The following GRK5 variants were observed in gnomAD, a reference collection of about 807,000 sequenced individuals.
GRK5 encodes the protein g protein-coupled receptor kinase GRK5.
Under a neutral mutation model 78.4 loss-of-function variants are expected in GRK5, and 40 were observed. The ratio of observed to expected loss-of-function variants is 0.51; its 90% CI spans 0.40 to 0.66. GRK5 has a LOEUF of 0.66. Among genes scored for constraint, GRK5 ranks in the 30% least tolerant of loss-of-function variants. The pLI is 0.00. For missense variants in GRK5, 598 were observed against 759.9 expected (o/e 0.79, Z 2.50); for synonymous variants, 289 against 296.8 (o/e 0.97, Z 0.27).
At chr10:119,274,826 T>G (rs112104278) in intron 1 of GRK5, among the ~76,000 whole-genome samples, 1,552 of 152,352 alleles carry the variant, frequency 0.01, 20 homozygotes, top group African/African-American at 0.035. Context: ...GGTTCCAGCC[T>G]TGGTTCCACC....
chr10:119,447,765 T>C (rs1195861719), intron 12 of GRK5, among the ~76,000 whole-genome samples: 1 of 152,170 alleles, frequency 6.6e-6, no homozygotes, highest in Non-Finnish European at 1.5e-5. Context: ...ATTAGCTGAG[T>C]ATGTGCACGA....
At chr10:119,436,245 T>A (rs1343774492) in intron 8 of GRK5, among the ~76,000 whole-genome samples, 4 of 152,244 alleles carry the variant, frequency 2.6e-5, no homozygotes, top group African/African-American at 9.6e-5. Context: ...TCACCCTTAC[T>A]TGGCCCTGTG....
chr10:119,295,733 TGA>T (rs1850068054), intron 1 of GRK5, among the ~76,000 whole-genome samples: 1 of 151,734 alleles, frequency 6.6e-6, no homozygotes, highest in African/African-American at 2.4e-5. Context: ...ATGTTCTCAC[TGA>T]TATGTGGGAG....
chr10:119,449,356 G>T (rs1382159174), intron 13 of GRK5, among the ~76,000 whole-genome samples: 1 of 152,192 alleles, frequency 6.6e-6, no homozygotes, highest in Non-Finnish European at 1.5e-5. Flanking sequence ...GGGATTCCCT[G>T]GTCCTCTGGG....
At chr10:119,345,711 C>G (rs941321729) in intron 2 of GRK5, among the ~76,000 whole-genome samples, 3 of 152,166 alleles carry the variant, frequency 2.0e-5, no homozygotes, top group African/African-American at 4.8e-5. Flanking sequence ...ACTTCCCCTC[C>G]ACCCCACCCT....
intron 4 of GRK5, among the ~76,000 whole-genome samples, chr10:119,417,440 G>C (rs1407735787): frequency 6.6e-6 from 1 of 152,222 alleles, no homozygotes; most frequent in Non-Finnish European, 1.5e-5. Context: ...CTGTACCAAG[G>C]GGTGCTGGGG....
chr10:119,329,836 C>T (rs1389365313), intron 2 of GRK5, among the ~76,000 whole-genome samples: 1 of 151,586 alleles, frequency 6.6e-6, no homozygotes, highest in East Asian at 1.9e-4. Flanking sequence ...ATGGTTCACA[C>T]GCCAGCAACG....
rs1853440354 is a variant in GRK5 at position 119,458,800 on chromosome 10, T to C, written c.*3733T>C. On this transcript the variant is annotated 3_prime_UTR_variant, in exon 16 of 16. Transcript: ENST00000392870. Reference sequence around the variant, plus strand: ...ACCCTGTCCTTTCCCCAAAGGCTCGTGTTATCAGTTCCAGCTACCCATCGA... The same window carrying C: ...ACCCTGTCCTTTCCCCAAAGGCTCGCGTTATCAGTTCCAGCTACCCATCGA... 6.6e-6 allele frequency: 1 copy of C among 152,160 alleles called. No individual in the cohort carries two copies. The highest frequency in any genetic ancestry group is 1.5e-5 in the Non-Finnish European group (1 of 68,042). 9.4% of individuals were successfully genotyped at this position (152,160 alleles called of 1,614,324 possible). A position where few individuals can be genotyped will look rare whatever the true frequency, so the allele number is the denominator to read the frequency against.
chr10:119,292,472 T>A (rs1291464455), intron 1 of GRK5, among the ~76,000 whole-genome samples: 7 of 152,118 alleles, frequency 4.6e-5, no homozygotes, highest in Non-Finnish European at 7.4e-5. Flanking sequence ...TCAGATAATT[T>A]AAAAAAACCC....
chr10:119,366,245 C>T (rs1851447316), intron 2 of GRK5, among the ~76,000 whole-genome samples: 1 of 152,218 alleles, frequency 6.6e-6, no homozygotes, highest in Admixed American at 6.5e-5. Context: ...GGAGTGTAAA[C>T]AGGATCCTGG....
At chr10:119,291,395 T>C (rs1400005896) in intron 1 of GRK5, among the ~76,000 whole-genome samples, 1 of 152,138 alleles carries the variant, frequency 6.6e-6, no homozygotes, top group East Asian at 1.9e-4. Context: ...CTGTGGCCAC[T>C]GGCAGGATCC....
intron 1 of GRK5, among the ~76,000 whole-genome samples, chr10:119,294,743 A>G (rs1227347674): frequency 6.6e-6 from 1 of 152,156 alleles, no homozygotes; most frequent in Non-Finnish European, 1.5e-5. Flanking sequence ...TATTTTTACA[A>G]ATAAAGTTCT....
chr10:119,235,100 T>C (rs921233208), intron 1 of GRK5, among the ~76,000 whole-genome samples: 2 of 152,016 alleles, frequency 1.3e-5, no homozygotes, highest in Non-Finnish European at 2.9e-5. Flanking sequence ...CTCAGCCTTC[T>C]GAGTAGCTGG....
In GRK5 at chr10:119,396,692, T is replaced by C. The variant is rs113027286; in HGVS notation, c.262-3T>C. 6.2e-6 allele frequency: 10 copies of C among 1,609,400 alleles called. No homozygotes were observed. In the African/African-American group the frequency reaches 8.0e-5, roughly 13 times the overall value. ...ATTGTTCTTTTTTCTCCTTCTGTTT[T>C]AGGCAGAATATGAAGTTACTCCAGA... is the stretch of plus-strand genomic sequence containing the variant. On this transcript the variant is annotated splice_region_variant and splice_polypyrimidine_tract_variant and intron_variant, in intron 3 of 15. Transcript: ENST00000392870.
chr10:119,308,381 T>C (rs140973714), intron 1 of GRK5, among the ~76,000 whole-genome samples: 1 of 151,628 alleles, frequency 6.6e-6, no homozygotes, highest in African/African-American at 2.4e-5. Context: ...GGAAGAACTC[T>C]GCGTGTGGCA....
chr10:119,342,880 G>C (rs1851006810), intron 2 of GRK5, among the ~76,000 whole-genome samples: 1 of 152,074 alleles, frequency 6.6e-6, no homozygotes, highest in African/African-American at 2.4e-5. Context: ...GGCAGACTTA[G>C]AGGTCCTGAA....
At chr10:119,303,076 C>T (rs1038407892) in intron 1 of GRK5, among the ~76,000 whole-genome samples, 1 of 152,086 alleles carries the variant, frequency 6.6e-6, no homozygotes, top group Non-Finnish European at 1.5e-5. Context: ...TGGGCAGGAG[C>T]GCAGAGAGGT....
At chr10:119,448,033 C>T in intron 12 of GRK5, 90 bp from the exon 13 acceptor site, 1 of 1,423,728 alleles carries the variant, frequency 7.0e-7, no homozygotes, top group East Asian at 2.7e-5. Flanking sequence ...GTCTTGGGTT[C>T]CTAGGCATGG....
At chr10:119,254,578 G>C (rs1849251336) in intron 1 of GRK5, among the ~76,000 whole-genome samples, 1 of 151,938 alleles carries the variant, frequency 6.6e-6, no homozygotes, top group Non-Finnish European at 1.5e-5. Flanking sequence ...GGGAGAAGGG[G>C]TGGGAGTTGA....
Sources: allele counts gnomAD v4.1 joint callset (sites outside exome capture counted in the v4.1 genomes callset), GRCh38; gene constraint gnomAD v4.1.1; transcripts MANE v1.5; gene names NCBI Gene and HGNC (gene_info 2026-07-23, HGNC 2026-07-21).